Variants in PLEKHD1 observed in about 807,000 individuals in gnomAD.
PLEKHD1 encodes the protein pleckstrin homology domain-containing family D member 1.
PLEKHD1 carries 51 observed loss-of-function variants against 69.2 expected under a neutral mutation model. That is an observed-to-expected ratio of 0.74 (90% CI 0.59 to 0.93). The LOEUF is 0.93. Among genes scored for constraint, PLEKHD1 ranks in the 40% least tolerant of loss-of-function variants. The pLI is 0.00. For missense variants in PLEKHD1, 584 were observed against 641.0 expected (o/e 0.91, Z 0.96); for synonymous variants, 236 against 244.7 (o/e 0.96, Z 0.33).
intron 12 of PLEKHD1, 85 bp downstream of exon 12, chr14:69,528,017 C>G: frequency 3.3e-6 from 5 of 1,537,800 alleles, no homozygotes; most frequent in Non-Finnish European, 4.4e-6. Context: ...GTTGGCCCAG[C>G]TCTGAGGCTG....
chr14:69,485,672 C>T (rs1882640883), intron 1 of PLEKHD1, among the ~76,000 whole-genome samples: 1 of 152,210 alleles, frequency 6.6e-6, no homozygotes, highest in Non-Finnish European at 1.5e-5. Flanking sequence ...CTTGGCAACC[C>T]CTCCAACTGT....
At chr14:69,502,375 G>C (rs1883048438) in intron 5 of PLEKHD1, 1 of 223,368 alleles carries the variant, frequency 4.5e-6, no homozygotes, top group Non-Finnish European at 9.0e-6. Context: ...CTGTTTGGGA[G>C]AGAAGATGAG....
intron 7 of PLEKHD1, among the ~76,000 whole-genome samples, chr14:69,522,810 C>T (rs1167096639): frequency 6.6e-6 from 1 of 151,924 alleles, no homozygotes; most frequent in Non-Finnish European, 1.5e-5. Context: ...GTTTGTAAAC[C>T]TAGTTGTACA....
Position 69,524,339 on chromosome 14 carries a change from G to A in PLEKHD1, c.744+17G>A. On this transcript the variant is annotated intron_variant, in intron 8 of 12. Coordinates refer to ENST00000322564, the MANE Select transcript of PLEKHD1 (RefSeq NM_001161498.2). Reference sequence around the variant, plus strand: ...ACACTGGAGGTGAGGGGCTGCTGGTGGGTTAGTTGACCAGGTGGCAGGCTG... The same window carrying A: ...ACACTGGAGGTGAGGGGCTGCTGGTAGGTTAGTTGACCAGGTGGCAGGCTG... 1 of 1,548,420 alleles carries A rather than the reference G, an allele frequency of 6.5e-7. No individual in the cohort carries two copies. Among genetic ancestry groups the A allele is most frequent in the Non-Finnish European group, 8.7e-7 (1 of 1,144,234 alleles).
chr14:69,492,760 G>GTTTTGTT (rs1882804662), intron 1 of PLEKHD1, among the ~76,000 whole-genome samples: 1 of 152,162 alleles, frequency 6.6e-6, no homozygotes, highest in Non-Finnish European at 1.5e-5. Context: ...AACATTAGGT[G>GTTTTGTT]TTTTGTTTTT....
intron 6 of PLEKHD1, among the ~76,000 whole-genome samples, chr14:69,519,160 A>C (rs188572919): frequency 1.6e-3 from 244 of 152,248 alleles, no homozygotes; most frequent in Middle Eastern, 3.4e-3. Context: ...AAGCCCCACA[A>C]AACTTTCAAC....
Position 69,492,303 on chromosome 14 carries a change from C to A in PLEKHD1, c.149+7189C>A, listed in dbSNP as rs563246445. Among the ~76,000 whole-genome samples, 10 of 152,334 alleles carry A rather than the reference C, an allele frequency of 6.6e-5. No homozygotes were observed. The South Asian group carries it at 2.1e-3, about 32-fold the overall frequency. The stretch of plus-strand genomic sequence containing the variant: ...AATTCCCAAGATACTCCTATTCATT[C>A]TTCAAAGCCCTGCTTAGTTGTCACA... On this transcript the variant is annotated intron_variant, in intron 1 of 12. Coordinates refer to ENST00000322564, the MANE Select transcript of PLEKHD1 (RefSeq NM_001161498.2).
intron 1 of PLEKHD1, among the ~76,000 whole-genome samples, chr14:69,498,320 C>T (rs2139502636): frequency 6.6e-6 from 1 of 152,134 alleles, no homozygotes; most frequent in Non-Finnish European, 1.5e-5. Context: ...TTCAAGTGAT[C>T]TACCTGCCTC....
At chr14:69,500,438 G>C (rs899770199) in intron 2 of PLEKHD1, 139 bp from the exon 3 acceptor site, 2 of 726,324 alleles carry the variant, frequency 2.8e-6, no homozygotes, top group Non-Finnish European at 4.5e-6. Context: ...CATCAGTTCT[G>C]GCCTCTGTCC....
chr14:69,525,866 A>G lies in PLEKHD1; in HGVS notation c.745-78A>G. ...GAGAGAGGAGTGGGTCACTCCCCCA[A>G]ACGGAAAAGCAGGTGAGGGCAGCCA... On this transcript the variant is annotated intron_variant, in intron 8 of 12. Coordinates refer to ENST00000322564, the MANE Select transcript of PLEKHD1 (RefSeq NM_001161498.2). The G allele has an allele frequency of 2.2e-6, 3 of 1,384,488 alleles. No individual in the cohort carries two copies. The South Asian group carries it at 4.3e-5, about 20-fold the overall frequency. The allele number at this position is 1,384,488 out of a possible 1,614,324, so 85.8% of individuals were successfully genotyped here.
At chr14:69,497,182 C>T (rs565627013) in intron 1 of PLEKHD1, among the ~76,000 whole-genome samples, 3 of 152,140 alleles carry the variant, frequency 2.0e-5, no homozygotes, top group Admixed American at 1.3e-4. Context: ...TCAAAATAAC[C>T]GCATAAGGTA....
chr14:69,481,643 GACTT>G (rs1403825472), upstream of PLEKHD1, among the ~76,000 whole-genome samples: 2 of 152,178 alleles, frequency 1.3e-5, no homozygotes, highest in African/African-American at 4.8e-5. Context: ...CTAGCTATGT[GACTT>G]ACGTAGACAA....
chr14:69,526,891 C>G, intron 10 of PLEKHD1, 62 bp downstream of exon 10: 1 of 1,464,204 alleles, frequency 6.8e-7, no homozygotes, highest in African/African-American at 1.4e-5. Flanking sequence ...CCTTCCACCC[C>G]TGCACTTTAC....
chr14:69,488,968 GCACACTCTCTGGATCA>G (rs1202375149), intron 1 of PLEKHD1, among the ~76,000 whole-genome samples: 1 of 151,940 alleles, frequency 6.6e-6, no homozygotes, highest in Admixed American at 6.6e-5. Context: ...AGGGAGATGG[GCACACTCTCTGGATCA>G]CCCAGCCATA....
At chr14:69,501,514 C>A in intron 4 of PLEKHD1, 1 of 452,556 alleles carries the variant, frequency 2.2e-6, no homozygotes, top group Non-Finnish European at 3.9e-6. Context: ...CCCAGTGGCC[C>A]ACTTTGCAGC....
At chr14:69,519,049 C>G (rs1226533512) in intron 6 of PLEKHD1, among the ~76,000 whole-genome samples, 1 of 152,006 alleles carries the variant, frequency 6.6e-6, no homozygotes, top group Non-Finnish European at 1.5e-5. Context: ...GGAAGCCAGG[C>G]AGCAGCTGAA....
the PLEKHD1 span, among the ~76,000 whole-genome samples, chr14:69,473,546 C>G: frequency 2.0e-5 from 3 of 152,178 alleles, no homozygotes; most frequent in Non-Finnish European, 4.4e-5. Context: ...CCAGCCACAG[C>G]AAGGTGCTGT....
chr14:69,493,835 G>A (rs190109883), intron 1 of PLEKHD1, among the ~76,000 whole-genome samples: 5 of 152,370 alleles, frequency 3.3e-5, no homozygotes, highest in Admixed American at 2.6e-4. Flanking sequence ...AATGCTCCGG[G>A]CTTCACCCCA....
the PLEKHD1 span, among the ~76,000 whole-genome samples, chr14:69,478,280 G>A: frequency 5.3e-5 from 8 of 152,146 alleles, no homozygotes; most frequent in Non-Finnish European, 7.4e-5. Context: ...CCCTGGGACC[G>A]GCCCATGAAA....
Sources: allele counts gnomAD v4.1 joint callset (sites outside exome capture counted in the v4.1 genomes callset), GRCh38; gene constraint gnomAD v4.1.1; transcripts MANE v1.5; gene names NCBI Gene and HGNC (gene_info 2026-07-23, HGNC 2026-07-21).